Variants in ZNF385B observed in about 807,000 individuals in gnomAD.
ZNF385B encodes the protein zinc finger protein 533.
In ZNF385B, 23 loss-of-function variants were observed where a neutral mutation model predicts 39.2. The ratio of observed to expected loss-of-function variants is 0.59; its 90% CI spans 0.42 to 0.83. The LOEUF (loss-of-function observed/expected upper bound fraction) is 0.83, where lower values mean the gene tolerates loss of function less well. ZNF385B is among the 40% of genes least tolerant of loss of function. The probability of loss-of-function intolerance (pLI) is 0.00; values close to 1 mark genes in which losing one functional copy is unlikely to be tolerated. For missense variants in ZNF385B, 552 were observed against 598.9 expected (o/e 0.92, Z 0.82); for synonymous variants, 205 against 222.6 (o/e 0.92, Z 0.70).
intron 3 of ZNF385B, among the ~76,000 whole-genome samples, chr2:179,729,729 G>A (rs983652121): frequency 2.0e-5 from 3 of 152,200 alleles, no homozygotes; most frequent in African/African-American, 7.2e-5. Context: ...TAATGCCCAT[G>A]TGTCGAGGCA....
chr2:179,443,359 C>T lies in ZNF385B; in HGVS notation c.1352G>A (p.Arg451Gln), dbSNP rs530550928. 1.2e-5 allele frequency: 20 copies of T among 1,612,118 alleles called. No homozygotes were observed. The East Asian group carries it at 2.0e-4, about 16-fold the overall frequency. ...AVSSALSLPP[R>Q]PSASLFQAPA... ...AGCCTGGAAGAGCGAGGCAGAGGGCCGGGGTGGGAGTGACAGCGCTGAGGA... is the reference window on the plus strand; with the variant it reads ...AGCCTGGAAGAGCGAGGCAGAGGGCTGGGGTGGGAGTGACAGCGCTGAGGA... The change falls in exon 10 of 10, where the codon CGG becomes CAG. Residue 451 changes from arginine (R) to glutamine (Q), a missense_variant. Coordinates refer to ENST00000410066, the MANE Select transcript of ZNF385B (RefSeq NM_152520.6).
chr2:179,648,102 G>A (rs908010666), intron 3 of ZNF385B, among the ~76,000 whole-genome samples: 1 of 152,104 alleles, frequency 6.6e-6, no homozygotes, highest in South Asian at 2.1e-4. Context: ...GTGGAGTGAG[G>A]AGGATGTCCA....
intron 1 of ZNF385B, among the ~76,000 whole-genome samples, chr2:179,821,228 T>C (rs1187638562): frequency 6.6e-6 from 1 of 152,170 alleles, no homozygotes; most frequent in Non-Finnish European, 1.5e-5. Context: ...CAACTATCTA[T>C]ACCACTTCTT....
At chr2:179,628,817 G>C (rs896743253) in intron 3 of ZNF385B, among the ~76,000 whole-genome samples, 1 of 152,046 alleles carries the variant, frequency 6.6e-6, no homozygotes, top group Non-Finnish European at 1.5e-5. Context: ...CAACTATTTG[G>C]TTAACAAACT....
chr2:179,503,721 T>G (rs1326099358), intron 5 of ZNF385B, among the ~76,000 whole-genome samples: 1 of 151,796 alleles, frequency 6.6e-6, no homozygotes, highest in Admixed American at 6.6e-5. Context: ...AGTGAGAACA[T>G]GCGGTGTTTG....
chr2:179,732,490 G>T (rs1417401581), intron 3 of ZNF385B, among the ~76,000 whole-genome samples: 1 of 152,286 alleles, frequency 6.6e-6, no homozygotes, highest in Non-Finnish European at 1.5e-5. Flanking sequence ...CCAATTAGAA[G>T]ACAGAAGGAA....
intron 6 of ZNF385B, among the ~76,000 whole-genome samples, chr2:179,459,420 T>C (rs1488092566): frequency 6.6e-6 from 1 of 152,076 alleles, no homozygotes; most frequent in African/African-American, 2.4e-5. Context: ...ACCAAGAAAG[T>C]CTCCCTCTAG....
intron 3 of ZNF385B, among the ~76,000 whole-genome samples, chr2:179,638,315 A>AT (rs1242816777): frequency 6.6e-6 from 1 of 152,332 alleles, no homozygotes; most frequent in East Asian, 1.9e-4. Context: ...TTACAAGTTT[A>AT]TTTTTTAAAA....
chr2:179,549,946 G>C (rs1249854175), intron 3 of ZNF385B, among the ~76,000 whole-genome samples: 3 of 148,634 alleles, frequency 2.0e-5, no homozygotes, highest in African/African-American at 7.6e-5. Flanking sequence ...TAACCACCCT[G>C]TATTTAATTA....
At chr2:179,763,043 T>A (rs1478759549) in intron 3 of ZNF385B, among the ~76,000 whole-genome samples, 1 of 152,170 alleles carries the variant, frequency 6.6e-6, no homozygotes, top group Non-Finnish European at 1.5e-5. Context: ...TAGCTGGGAA[T>A]CCAGGCACTT....
chr2:179,541,573 T>C (rs146259142), intron 4 of ZNF385B, among the ~76,000 whole-genome samples: 2 of 152,328 alleles, frequency 1.3e-5, no homozygotes, highest in East Asian at 1.9e-4. Flanking sequence ...TTATATTTGC[T>C]AATATTAACC....
intron 3 of ZNF385B, among the ~76,000 whole-genome samples, chr2:179,591,464 G>A (rs2106072253): frequency 6.6e-6 from 1 of 152,202 alleles, no homozygotes; most frequent in East Asian, 1.9e-4. Flanking sequence ...GAAGGGGTTG[G>A]CCTGGCTAAT....
At chr2:179,817,141 C>T (rs11680455) in intron 1 of ZNF385B, among the ~76,000 whole-genome samples, 22,033 of 152,154 alleles carry the variant, frequency 0.14, 1,939 homozygotes, top group East Asian at 0.4. Flanking sequence ...AACTGCCCAC[C>T]TTTTCATTGT....
intron 3 of ZNF385B, among the ~76,000 whole-genome samples, chr2:179,765,819 T>C (rs1703656164): frequency 6.6e-6 from 1 of 152,162 alleles, no homozygotes; most frequent in Non-Finnish European, 1.5e-5. Context: ...CTGCGGTTTC[T>C]GTTATTTCCA....
At chr2:179,815,585 A>G (rs1201408439) in intron 1 of ZNF385B, among the ~76,000 whole-genome samples, 2 of 152,206 alleles carry the variant, frequency 1.3e-5, no homozygotes, top group Non-Finnish European at 2.9e-5. Context: ...TTACCAGAGA[A>G]CAATTCTTTT....
chr2:179,794,829 A>G (rs1705556499), intron 1 of ZNF385B, among the ~76,000 whole-genome samples: 1 of 152,170 alleles, frequency 6.6e-6, no homozygotes, highest in Non-Finnish European at 1.5e-5. Flanking sequence ...GGATCTGATT[A>G]GGTATTAAAG....
intron 5 of ZNF385B, among the ~76,000 whole-genome samples, chr2:179,515,455 T>A (rs979963137): frequency 2.0e-5 from 3 of 152,206 alleles, no homozygotes; most frequent in Non-Finnish European, 4.4e-5. Flanking sequence ...CAGCATGTCT[T>A]TAGGTGGGCA....
At chr2:179,483,948 T>C (rs563286505) in intron 5 of ZNF385B, among the ~76,000 whole-genome samples, 2 of 152,216 alleles carry the variant, frequency 1.3e-5, no homozygotes, top group Non-Finnish European at 2.9e-5. Flanking sequence ...CACTGAATTT[T>C]TTGGTAAGCT....
chr2:179,445,059 C>A, intron 8 of ZNF385B, 82 bp from the exon 9 acceptor site: 1 of 1,191,646 alleles, frequency 8.4e-7, no homozygotes, highest in East Asian at 2.3e-5. Flanking sequence ...CTATTTTCTC[C>A]ATTGCCAACT....
Sources: allele counts gnomAD v4.1 joint callset (sites outside exome capture counted in the v4.1 genomes callset), GRCh38; gene constraint gnomAD v4.1.1; transcripts MANE v1.5; gene names NCBI Gene and HGNC (gene_info 2026-07-23, HGNC 2026-07-21).